NALF1: variants seen among roughly 807,000 people sequenced by gnomAD.
The protein encoded by NALF1 is NALCN channel auxiliary factor 1.
Under a neutral mutation model 48.4 loss-of-function variants are expected in NALF1, and 3 were observed. The observed-to-expected ratio is 0.06, with a 90% CI of 0.03 to 0.16. NALF1 has a LOEUF of 0.16. Among genes scored for constraint, NALF1 ranks in the 10% least tolerant of loss-of-function variants. The pLI, the probability that NALF1 is intolerant of heterozygous loss-of-function variation, is 1.00. For synonymous variants in NALF1, 262 were observed against 245.7 expected (o/e 1.07, Z -0.62); for missense variants, 526 against 571.5 (o/e 0.92, Z 0.81).
intron 1 of NALF1, among the ~76,000 whole-genome samples, chr13:107,347,508 G>C (rs1483357441): frequency 6.6e-6 from 1 of 152,184 alleles, no homozygotes; most frequent in Non-Finnish European, 1.5e-5. Context: ...GCCTCAGACA[G>C]GCTCTCTTTA....
At chr13:107,659,512 CTT>C (rs68180355) in intron 1 of NALF1, among the ~76,000 whole-genome samples, 10 of 149,076 alleles carry the variant, frequency 6.7e-5, no homozygotes, top group African/African-American at 1.2e-4. Context: ...TATTTGGCAT[CTT>C]TTTTTTTTTG....
intron 1 of NALF1, among the ~76,000 whole-genome samples, chr13:107,420,256 G>C (rs1376361535): frequency 2.6e-5 from 4 of 152,124 alleles, no homozygotes; most frequent in Non-Finnish European, 4.4e-5. Flanking sequence ...ACAAAAAGAG[G>C]AAGGTAATCA....
At chr13:107,622,275 A>C (rs553733993) in intron 1 of NALF1, among the ~76,000 whole-genome samples, 5 of 151,926 alleles carry the variant, frequency 3.3e-5, no homozygotes, top group Admixed American at 6.6e-5. Flanking sequence ...CTAAAAAAAC[A>C]CAAAATTAGA....
At chr13:107,696,627 T>A (rs1566447374) in intron 1 of NALF1, among the ~76,000 whole-genome samples, 1 of 152,130 alleles carries the variant, frequency 6.6e-6, no homozygotes, top group East Asian at 1.9e-4. Flanking sequence ...ATACACAAAA[T>A]ATCAGAATTA....
In NALF1 at chr13:107,205,173, A is replaced by G. The variant is rs576105603; in HGVS notation, c.1087+5411T>C. Among the ~76,000 whole-genome samples the G allele has an allele frequency of 2.6e-3, 395 of 151,230 alleles. 9 individuals carry two copies. Among genetic ancestry groups the G allele is most frequent in the Admixed American group, 0.022 (336 of 15,152 alleles). ...CCTCCCCCTTTCCCCCCACCCCACA[A>G]CAGTCCCCAGAGTGTGATGTTCCCC... is the stretch of plus-strand genomic sequence containing the variant. On this transcript the variant is annotated intron_variant, in intron 2 of 2. Coordinates refer to ENST00000375915, the MANE Select transcript of NALF1 (RefSeq NM_001080396.3).
intron 1 of NALF1, among the ~76,000 whole-genome samples, chr13:107,736,515 T>C (rs995699675): frequency 6.6e-6 from 1 of 152,146 alleles, no homozygotes; most frequent in Admixed American, 6.5e-5. Flanking sequence ...TACTTAGTTA[T>C]GAATCTCTAT....
intron 1 of NALF1, among the ~76,000 whole-genome samples, chr13:107,625,723 GATA>G (rs1271749681): frequency 6.6e-6 from 1 of 152,008 alleles, no homozygotes; most frequent in Non-Finnish European, 1.5e-5. Context: ...TCCCCAAAAG[GATA>G]ATATTTCTAA....
intron 1 of NALF1, among the ~76,000 whole-genome samples, chr13:107,747,223 A>G (rs1040792134): frequency 1.3e-5 from 2 of 152,184 alleles, no homozygotes; most frequent in Non-Finnish European, 2.9e-5. Context: ...ATTTCTTCAC[A>G]GCATTATTTG....
intron 1 of NALF1, among the ~76,000 whole-genome samples, chr13:107,662,122 G>T (rs925963223): frequency 1.3e-5 from 2 of 152,152 alleles, no homozygotes; most frequent in Admixed American, 1.3e-4. Context: ...GCCATTTTTG[G>T]ACATGGAAGT....
chr13:107,629,563 T>A, intron 1 of NALF1, among the ~76,000 whole-genome samples: 1 of 152,142 alleles, frequency 6.6e-6, no homozygotes, highest in East Asian at 1.9e-4. Flanking sequence ...GACTTGCTTT[T>A]TCGAAAACCG....
In NALF1 at chr13:107,866,591, G is replaced by A; in HGVS notation, c.6C>T (p.Thr2=). 1.2e-6 allele frequency: 2 copies of A among 1,603,976 alleles called. No homozygotes were observed. The highest frequency in any genetic ancestry group is 8.5e-7 in the Non-Finnish European group (1 of 1,177,992). M[T]RGAWMCRQYD... Reference sequence around the variant, plus strand: ...ACTGCCGACACATCCAAGCACCCCTGGTCATATTTTGGGAACGCACAGCCC... The same window carrying A: ...ACTGCCGACACATCCAAGCACCCCTAGTCATATTTTGGGAACGCACAGCCC... The change falls in exon 1 of 3, where the codon ACC becomes ACT. Residue 2 remains threonine, a synonymous_variant. Transcript: ENST00000375915. This position sits in a 1 kb window ranked among gnomAD's most constrained non-coding sequence, Gnocchi z 4.4.
At chr13:107,650,394 TAAA>T (rs11330259) in intron 1 of NALF1, among the ~76,000 whole-genome samples, 2 of 107,642 alleles carry the variant, frequency 1.9e-5, no homozygotes, top group Non-Finnish European at 1.9e-5. Flanking sequence ...CTGCAACCAT[TAAA>T]AAAAAAAAAA....
chr13:107,723,175 T>C (rs926783551), intron 1 of NALF1, among the ~76,000 whole-genome samples: 10 of 152,168 alleles, frequency 6.6e-5, no homozygotes, highest in Non-Finnish European at 1.0e-4. Flanking sequence ...CTGGGATACA[T>C]GTTTATGATG....
intron 1 of NALF1, among the ~76,000 whole-genome samples, chr13:107,816,972 G>A (rs1182602137): frequency 6.6e-6 from 1 of 152,104 alleles, no homozygotes; most frequent in African/African-American, 2.4e-5. Context: ...TATGGATTTT[G>A]GAGAATTTAA....
intron 1 of NALF1, among the ~76,000 whole-genome samples, chr13:107,265,998 C>A (rs1881031325): frequency 6.6e-6 from 1 of 152,160 alleles, no homozygotes; most frequent in Non-Finnish European, 1.5e-5. Context: ...TTCTCTCAAG[C>A]TTCCTGAAAA....
At chr13:107,206,713 C>T (rs142397945) in intron 2 of NALF1, among the ~76,000 whole-genome samples, 55 of 152,204 alleles carry the variant, frequency 3.6e-4, no homozygotes, top group African/African-American at 1.2e-3. Context: ...GTACAGAGAA[C>T]GCTAAGAAAA....
intron 1 of NALF1, among the ~76,000 whole-genome samples, chr13:107,832,885 A>C (rs1594301848): frequency 6.6e-6 from 1 of 151,600 alleles, no homozygotes; most frequent in East Asian, 1.9e-4. Context: ...CATCTTCTTA[A>C]GAGCGCTCAG....
At chr13:107,577,829 A>C (rs112519450) in intron 1 of NALF1, among the ~76,000 whole-genome samples, 3 of 152,104 alleles carry the variant, frequency 2.0e-5, no homozygotes, top group Non-Finnish European at 4.4e-5. Context: ...CTCCCTGTGT[A>C]CGTTCTGGTT....
intron 1 of NALF1, among the ~76,000 whole-genome samples, chr13:107,597,514 A>G (rs915083399): frequency 6.6e-6 from 1 of 152,174 alleles, no homozygotes; most frequent in Admixed American, 6.5e-5. Context: ...AACCGAGACT[A>G]TCAATCTCAT....
Sources: allele counts gnomAD v4.1 joint callset (sites outside exome capture counted in the v4.1 genomes callset), GRCh38; gene constraint gnomAD v4.1.1; non-coding constraint Gnocchi (gnomAD v3.1); transcripts MANE v1.5; gene names NCBI Gene and HGNC (gene_info 2026-07-23, HGNC 2026-07-21).